AGR3: variants seen among roughly 807,000 people sequenced by gnomAD.
The protein encoded by AGR3 is anterior gradient protein 3.
AGR3 carries 37 observed loss-of-function variants against 24.5 expected under a neutral mutation model. That is an observed-to-expected ratio of 1.51 (90% confidence interval 1.16 to 1.99). AGR3 has a LOEUF of 1.99. Ranked by LOEUF, AGR3 falls within the 30% of genes most tolerant of loss-of-function variation. The pLI, the probability that AGR3 is intolerant of heterozygous loss-of-function variation, is 0.00. For missense variants in AGR3, 228 were observed against 191.1 expected, an observed-to-expected ratio of 1.19 and a Z score of -1.14; for synonymous variants, 75 against 61.6, an observed-to-expected ratio of 1.22 and a Z score of -1.02.
At chr7:16,867,059 C>A (rs1023581753) in intron 3 of AGR3, among the ~76,000 whole-genome samples, 2 of 152,064 alleles carry the variant, frequency 1.3e-5, no homozygotes, top group African/African-American at 4.8e-5. Context: ...TATTTTTGTA[C>A]CCCAGGTATC....
intron 3 of AGR3, chr7:16,865,128 A>T: frequency 1.4e-6 from 1 of 738,106 alleles, no homozygotes; most frequent in Non-Finnish European, 2.4e-6. Context: ...GAAGAGAAAC[A>T]GAGAAACGTC....
intron 2 of AGR3, among the ~76,000 whole-genome samples, chr7:16,878,142 A>T (rs1001035234): frequency 1.3e-5 from 2 of 151,854 alleles, no homozygotes; most frequent in African/African-American, 4.8e-5. Context: ...AGGACTGGGA[A>T]ATAGAGGACT....
intron 2 of AGR3, among the ~76,000 whole-genome samples, chr7:16,876,053 A>G (rs1391230527): frequency 1.3e-5 from 2 of 152,230 alleles, no homozygotes; most frequent in Non-Finnish European, 2.9e-5. Context: ...CAAACAGTAA[A>G]GGAACATCTG....
chr7:16,857,675 G>T (rs1781573124), downstream of AGR3, among the ~76,000 whole-genome samples: 1 of 151,930 alleles, frequency 6.6e-6, no homozygotes. Flanking sequence ...ATTAAAATAG[G>T]ATATTTAATA....
chr7:16,869,673 G>GTTTT (rs71007797), intron 3 of AGR3, among the ~76,000 whole-genome samples: 6 of 125,880 alleles, frequency 4.8e-5, no homozygotes, highest in African/African-American at 1.9e-4. Context: ...TTGTGAGTTT[G>GTTTT]TTTTTTTTTT....
At chr7:16,859,716 G>A (rs1220566280) in intron 7 of AGR3, 85 bp from the exon 8 acceptor site, 6 of 877,398 alleles carry the variant, frequency 6.8e-6, no homozygotes, top group Non-Finnish European at 1.0e-5. Flanking sequence ...CCTGAAATTG[G>A]CCCATTTAAA....
chr7:16,860,426 G>T, intron 7 of AGR3, 74 bp downstream of exon 7: 1 of 1,108,488 alleles, frequency 9.0e-7, no homozygotes, highest in South Asian at 1.3e-5. Flanking sequence ...CACTGATGTA[G>T]GGCTTCACTA....
intron 4 of AGR3, 141 bp from the exon 5 acceptor site, chr7:16,862,201 C>T (rs1002618575): frequency 1.3e-4 from 84 of 640,790 alleles, no homozygotes; most frequent in South Asian, 4.8e-4. Context: ...GGCCTATTGC[C>T]ACTTTGTCCC....
intron 3 of AGR3, among the ~76,000 whole-genome samples, chr7:16,870,353 A>C (rs541197909): frequency 1.3e-5 from 2 of 152,096 alleles, no homozygotes; most frequent in African/African-American, 2.4e-5. Context: ...CATAAAGATA[A>C]TTTTAACTTT....
chr7:16,877,769 A>G (rs1008887012), intron 2 of AGR3, among the ~76,000 whole-genome samples: 1 of 151,506 alleles, frequency 6.6e-6, no homozygotes, highest in Non-Finnish European at 1.5e-5. Flanking sequence ...AGGCTGAGGC[A>G]GGAGAATGGC....
downstream of AGR3, among the ~76,000 whole-genome samples, chr7:16,855,590 G>A (rs1186309380): frequency 2.0e-5 from 3 of 152,128 alleles, no homozygotes; most frequent in Admixed American, 6.5e-5. Context: ...AAGAGAAGGG[G>A]GCTGGGGACA....
At chr7:16,866,285 T>G (rs940555944) in intron 3 of AGR3, 1 of 550,162 alleles carries the variant, frequency 1.8e-6, no homozygotes, top group Admixed American at 2.1e-5. Context: ...AAGATATCTT[T>G]GGTCTAAGAA....
chr7:16,856,550 G>A (rs992797983), downstream of AGR3, among the ~76,000 whole-genome samples: 1 of 152,138 alleles, frequency 6.6e-6, no homozygotes, highest in African/African-American at 2.4e-5. Context: ...TGGATGTCCT[G>A]TACTTTATGT....
chr7:16,862,629 C>A lies in AGR3; in HGVS notation c.207G>T (p.Glu69Asp). ...AATTACCTTGAGAGTATTGACAATCCTCCAGGTGATGAATAACCATTAATG... is the reference window on the plus strand; with the variant it reads ...AATTACCTTGAGAGTATTGACAATCATCCAGGTGATGAATAACCATTAATG... ...KKPLMVIHHL[E>D]DCQYSQALKK... The change falls in exon 4 of 8, where the codon GAG (glutamate) becomes GAT (aspartate). Residue 69 changes from glutamate to aspartate, a missense_variant. Coordinates refer to ENST00000310398, the MANE Select transcript of AGR3 (RefSeq NM_176813.5). 6.5e-7 allele frequency: 1 copy of A among 1,538,512 alleles called. No individual in the cohort carries two copies. The highest frequency in any genetic ancestry group is 8.7e-7 in the Non-Finnish European group (1 of 1,149,572).
intron 3 of AGR3, among the ~76,000 whole-genome samples, chr7:16,866,934 C>A (rs1040700180): frequency 6.6e-6 from 1 of 151,964 alleles, no homozygotes; most frequent in Non-Finnish European, 1.5e-5. Context: ...TTAGTAATTT[C>A]TTTTTAGACT....
intron 3 of AGR3, among the ~76,000 whole-genome samples, chr7:16,871,468 A>G (rs1197952510): frequency 6.6e-6 from 1 of 152,200 alleles, no homozygotes; most frequent in Non-Finnish European, 1.5e-5. Context: ...TACAAAATCA[A>G]CATGCAAAAC....
chr7:16,873,732 G>A lies in AGR3; in HGVS notation c.173+48C>T, dbSNP rs200454334. On this transcript the variant is annotated intron_variant, in intron 3 of 7. Transcript: ENST00000310398. ...TTCCATAAATATGTACAATTATTAT[G>A]AGTCTACTACAAATAAAAGGAAAAA... is the stretch of plus-strand genomic sequence containing the variant. 1.3e-4 allele frequency: 170 copies of A among 1,337,020 alleles called. 1 individual carries two copies. In the East Asian group the frequency reaches 3.1e-3, roughly 24 times the overall value. The allele number at this position is 1,337,020 out of a possible 1,614,324, so 82.8% of individuals were successfully genotyped here. A position where few individuals can be genotyped will look rare whatever the true frequency, so the allele number is the denominator to read the frequency against.
chr7:16,877,283 A>G (rs1181685467), intron 2 of AGR3, among the ~76,000 whole-genome samples: 1 of 125,008 alleles, frequency 8.0e-6, no homozygotes, highest in African/African-American at 2.6e-5. Flanking sequence ...ACTATGATAT[A>G]TATTATATAT....
rs142863839 is a variant in AGR3, at chr7:16,874,894, A to G, written c.110-1051T>C. 2.1e-3 allele frequency among the ~76,000 whole-genome samples: 318 copies of G among 152,196 alleles called. 1 individual carries two copies. The highest frequency in any genetic ancestry group is 6.9e-3 in the African/African-American group (288 of 41,548). ...CACTTTGTGAGACCAAGGTGGGTGG[A>G]TCATTTGAGGTCAGGAGTTCAAGAC... On this transcript the variant is annotated intron_variant, in intron 2 of 7. Transcript: ENST00000310398.
Sources: gnomAD v4.1 joint callset for allele counts (sites outside exome capture counted in the v4.1 genomes callset) on GRCh38, gnomAD v4.1.1 for gene constraint, MANE v1.5 for transcripts, NCBI Gene and HGNC (gene_info 2026-07-23, HGNC 2026-07-21) for gene names.